Variants in SH3D19 observed in about 807,000 individuals in gnomAD.
SH3D19 encodes SH3 domain-containing protein 19.
A neutral mutation model predicts 112.1 loss-of-function variants in SH3D19; 58 were observed. The observed-to-expected ratio is 0.52, with a 90% CI of 0.42 to 0.64. The LOEUF is 0.64. Among genes scored for constraint, SH3D19 ranks in the 30% least tolerant of loss-of-function variants. SH3D19 has a pLI of 0.00. For synonymous variants in SH3D19, 391 were observed against 448.5 expected (o/e 0.87, Z 1.62); for missense variants, 1,090 against 1,263.4 (o/e 0.86, Z 2.08).
chr4:151,311,676 A>C (rs937924329), intron 1 of SH3D19, among the ~76,000 whole-genome samples: 3 of 152,142 alleles, frequency 2.0e-5, no homozygotes, highest in Non-Finnish European at 4.4e-5. Flanking sequence ...CTATCTCTAC[A>C]AAAAATTTTT....
intron 2 of SH3D19, among the ~76,000 whole-genome samples, chr4:151,204,495 A>AC (rs1301749232): frequency 1.3e-5 from 2 of 152,236 alleles, no homozygotes; most frequent in Non-Finnish European, 2.9e-5. Context: ...AGTATAAACT[A>AC]CCTCAGTGTC....
At chr4:151,283,120 G>C (rs1774406346) in intron 1 of SH3D19, 2 of 1,613,648 alleles carry the variant, frequency 1.2e-6, no homozygotes, top group South Asian at 1.1e-5. Flanking sequence ...TCCACAGATA[G>C]AGATTACCAT....
At position 151,325,457 on chromosome 4, in the gene SH3D19, GA is replaced by G; in HGVS notation, c.-106del. 1 of 475,576 alleles carries G rather than the reference GA, an allele frequency of 2.1e-6. No homozygotes were observed. Among genetic ancestry groups the G allele is most frequent in the Non-Finnish European group, 3.2e-6 (1 of 317,220 alleles). The allele number at this position is 475,576 out of a possible 1,614,324, so 29.5% of individuals were successfully genotyped here. A position where few individuals can be genotyped will look rare whatever the true frequency, so the allele number is the denominator to read the frequency against. On this transcript the variant is annotated 5_prime_UTR_variant, in exon 1 of 20. Coordinates refer to ENST00000604030, the MANE Select transcript of SH3D19 (RefSeq NM_001378122.1). ...CACGCCACCGCCCTCGGGCCGGGGG[GA>G]AGGCGGCTCCCGGAGAGGAGGCGTC...
At chr4:151,232,799 C>T (rs1175180120) in intron 1 of SH3D19, among the ~76,000 whole-genome samples, 1 of 152,180 alleles carries the variant, frequency 6.6e-6, no homozygotes, top group African/African-American at 2.4e-5. Flanking sequence ...TCCTTGTATT[C>T]ATTTCTTACT....
intron 2 of SH3D19, among the ~76,000 whole-genome samples, chr4:151,197,822 C>T (rs1451033926): frequency 6.6e-6 from 1 of 151,844 alleles, no homozygotes; most frequent in Non-Finnish European, 1.5e-5. Context: ...TGAAAATGAT[C>T]AAAATATTAA....
chr4:151,152,282 G>T (rs1755186541), intron 9 of SH3D19, among the ~76,000 whole-genome samples: 1 of 151,982 alleles, frequency 6.6e-6, no homozygotes, highest in Admixed American at 6.6e-5. Context: ...CCTCCTCGTG[G>T]GTATTCCACA....
intron 1 of SH3D19, among the ~76,000 whole-genome samples, chr4:151,263,515 T>C (rs1438198518): frequency 2.6e-5 from 4 of 152,216 alleles, no homozygotes; most frequent in Non-Finnish European, 4.4e-5. Flanking sequence ...GCTAAAACAA[T>C]GAACATTTAT....
chr4:151,198,584 C>A (rs1381495065), intron 2 of SH3D19, among the ~76,000 whole-genome samples: 1 of 151,184 alleles, frequency 6.6e-6, no homozygotes, highest in South Asian at 2.1e-4. Flanking sequence ...CCTTTAGAGG[C>A]TCCTACATCA....
chr4:151,208,552 T>C (rs1404758923), intron 2 of SH3D19, among the ~76,000 whole-genome samples: 1 of 152,116 alleles, frequency 6.6e-6, no homozygotes, highest in Non-Finnish European at 1.5e-5. Context: ...TTGTATTTAG[T>C]AGAAATGGGG....
chr4:151,201,823 C>T lies in SH3D19; in HGVS notation c.153-14360G>A, dbSNP rs534859062. Among the ~76,000 whole-genome samples, 7 of 149,742 alleles carry T rather than the reference C, an allele frequency of 4.7e-5. No individual in the cohort carries two copies. In the East Asian group the frequency reaches 1.4e-3, roughly 30 times the overall value. The stretch of plus-strand genomic sequence containing the variant: ...GTCAGGAGTTCGAGACCAGCCTGGG[C>T]CAACATGGCGAAACTCTGTCTCTAC... On this transcript the variant is annotated intron_variant, in intron 2 of 19. Coordinates refer to ENST00000604030, the MANE Select transcript of SH3D19 (RefSeq NM_001378122.1).
intron 2 of SH3D19, among the ~76,000 whole-genome samples, chr4:151,220,752 T>C (rs1767888888): frequency 6.6e-6 from 1 of 152,216 alleles, no homozygotes; most frequent in Non-Finnish European, 1.5e-5. Context: ...ACTTGGAGTT[T>C]TATAATGTAC....
At chr4:151,166,634 A>G (rs956226240) in intron 7 of SH3D19, among the ~76,000 whole-genome samples, 7 of 152,180 alleles carry the variant, frequency 4.6e-5, no homozygotes, top group African/African-American at 1.7e-4. Context: ...CGAAATGAGT[A>G]TATGCTGTAA....
At chr4:151,220,432 G>A (rs1767838750) in intron 2 of SH3D19, among the ~76,000 whole-genome samples, 1 of 152,110 alleles carries the variant, frequency 6.6e-6, no homozygotes, top group Non-Finnish European at 1.5e-5. Context: ...TTTTTTTGCT[G>A]CTGTAAAATA....
At chr4:151,270,213 T>G (rs1297234485) in intron 1 of SH3D19, among the ~76,000 whole-genome samples, 2 of 152,210 alleles carry the variant, frequency 1.3e-5, no homozygotes, top group African/African-American at 2.4e-5. Context: ...AATCTCATGT[T>G]GAATTGTAAT....
intron 8 of SH3D19, among the ~76,000 whole-genome samples, chr4:151,162,300 A>T (rs1757296707): frequency 1.3e-5 from 2 of 152,088 alleles, no homozygotes; most frequent in South Asian, 4.1e-4. Flanking sequence ...TTCCAGCTTC[A>T]TCCACGTCCC....
At chr4:151,241,576 T>TAATGTAATATA (rs1264906708) in intron 1 of SH3D19, among the ~76,000 whole-genome samples, 1 of 151,070 alleles carries the variant, frequency 6.6e-6, no homozygotes, top group African/African-American at 2.5e-5. Context: ...ATCTAATTTA[T>TAATGTAATATA]TTATTTAAGA....
rs770455404 is a variant in SH3D19 at position 151,147,981 on chromosome 4, G to C, written c.2023C>G (p.Gln675Glu). 2.5e-6 allele frequency: 4 copies of C among 1,614,104 alleles called. No individual in the cohort carries two copies. The highest frequency in any genetic ancestry group is 3.3e-5 in the Admixed American group (2 of 60,008). Residue 675 changes from glutamine (Q) to glutamate (E), a missense_variant, in exon 11 of 20, where the codon CAA becomes GAA. By Grantham distance (29) the Gln-to-Glu change is conservative. Coordinates refer to ENST00000604030, the MANE Select transcript of SH3D19 (RefSeq NM_001378122.1). ...GGACGAGGGGGTAGCACCGGATCTT[G>C]ATTTTTAAAAACTTGACTCTTGGCT... ...SKAKSQVFKN[Q>E]DPVLPPRPKP... is the part of the protein sequence containing the mutation.
chr4:151,268,517 T>G (rs1410778218), intron 1 of SH3D19, among the ~76,000 whole-genome samples: 4 of 151,114 alleles, frequency 2.6e-5, no homozygotes, highest in African/African-American at 9.7e-5. Flanking sequence ...TGTATACATG[T>G]GCCATGCTGG....
intron 2 of SH3D19, among the ~76,000 whole-genome samples, chr4:151,214,937 T>C: frequency 4.0e-5 from 5 of 124,998 alleles, no homozygotes; most frequent in Admixed American, 8.4e-5. Flanking sequence ...AGGCGGAGGG[T>C]CTCCTCCCTT....
Sources: gnomAD v4.1 joint callset for allele counts (sites outside exome capture counted in the v4.1 genomes callset) on GRCh38, gnomAD v4.1.1 for gene constraint, MANE v1.5 for transcripts, NCBI Gene and HGNC (gene_info 2026-07-23, HGNC 2026-07-21) for gene names.